MYOM1: variants seen among roughly 807,000 people sequenced by gnomAD.
MYOM1 encodes myomesin-1.
In MYOM1, 164 loss-of-function variants were observed where a neutral mutation model predicts 205.3. That is an observed-to-expected ratio of 0.80 (90% CI 0.70 to 0.91). MYOM1 has a LOEUF of 0.91. Among genes scored for constraint, MYOM1 ranks in the 40% least tolerant of loss-of-function variants. The pLI is 0.00. For synonymous variants in MYOM1, 772 were observed against 789.4 expected, an observed-to-expected ratio of 0.98 and a Z score of 0.37; for missense variants, 2,011 against 2,127.3, an observed-to-expected ratio of 0.95 and a Z score of 1.08.
chr18:3,224,300 G>C (rs1199687279), upstream of MYOM1, among the ~76,000 whole-genome samples: 1 of 152,164 alleles, frequency 6.6e-6, no homozygotes, highest in South Asian at 2.1e-4. Flanking sequence ...GGGATTACAG[G>C]CATGAGCTAC....
intron 2 of MYOM1, 62 bp downstream of exon 2, chr18:3,214,872 G>A (rs1403996544): frequency 5.4e-6 from 8 of 1,484,276 alleles, no homozygotes; most frequent in Non-Finnish European, 7.2e-6. Context: ...TAACTGGGAG[G>A]GTTACTCAGA....
rs140845661 is a variant in MYOM1 at position 3,189,058 on chromosome 18, G to A, written c.461C>T (p.Thr154Met). 579 of 1,612,840 alleles carry A rather than the reference G, an allele frequency of 3.6e-4. 1 individual carries two copies. In the African/African-American group the frequency reaches 6.8e-3, roughly 19 times the overall value. The change falls in exon 4 of 38, where the codon ACG (threonine) becomes ATG (methionine). Residue 154 changes from threonine (T) to methionine (M), a missense_variant. Thr to Met is a moderately conservative substitution (Grantham distance 81, BLOSUM62 -1). Transcript: ENST00000356443. The surrounding 1 kb of genome is among the most constrained non-coding windows in gnomAD (Gnocchi z 4.8). ...AGCTTCTTTAATTCTTTCTTCTTCC[G>A]TATCAGTAATTCCACTGACATGCTT... ...RQKHVSGITDTEEERIKEAAA... is the reference protein window; with the variant it reads ...RQKHVSGITDMEEERIKEAAA...
At chr18:3,143,718 T>C (rs1357601772) in intron 13 of MYOM1, among the ~76,000 whole-genome samples, 2 of 151,366 alleles carry the variant, frequency 1.3e-5, no homozygotes, top group African/African-American at 2.4e-5. Context: ...CTGGGCAACA[T>C]GGTGAAAACC....
intron 2 of MYOM1, among the ~76,000 whole-genome samples, chr18:3,201,255 C>T (rs1310715795): frequency 1.3e-5 from 2 of 151,760 alleles, no homozygotes; most frequent in East Asian, 1.9e-4. Context: ...AAAAATTAGC[C>T]GGGCATGGTG....
At position 3,089,556 on chromosome 18, in the gene MYOM1, T is replaced by C; in HGVS notation, c.4050A>G (p.Gln1350=). ...TTTTACCTTGTTTCCTGATCCATTCTTGCCGCTGGAATTCAGCTTCTTTCT... is the reference window on the plus strand; with the variant it reads ...TTTTACCTTGTTTCCTGATCCATTCCTGCCGCTGGAATTCAGCTTCTTTCT... The part of the protein sequence containing the change: ...KLQKEAEFQR[Q]EWIRKQGPHF... The change falls in exon 28 of 38, where the codon CAA becomes CAG. Residue 1350 remains glutamine (Q), a synonymous_variant. Coordinates refer to ENST00000356443, the MANE Select transcript of MYOM1 (RefSeq NM_003803.4). 1.2e-6 allele frequency: 2 copies of C among 1,609,966 alleles called. No homozygotes were observed. The highest frequency in any genetic ancestry group is 1.7e-6 in the Non-Finnish European group (2 of 1,178,174).
chr18:3,133,215 T>C (rs1598707068), intron 16 of MYOM1, among the ~76,000 whole-genome samples: 1 of 152,202 alleles, frequency 6.6e-6, no homozygotes, highest in East Asian at 1.9e-4. Context: ...TTGCAAAACA[T>C]ATTGCCTTCC....
At chr18:3,173,424 G>A (rs914915799) in intron 8 of MYOM1, among the ~76,000 whole-genome samples, 15 of 152,118 alleles carry the variant, frequency 9.9e-5, no homozygotes, top group Middle Eastern at 3.2e-3. Context: ...CTGACGCTCC[G>A]ATGAGGTGCC....
rs1567940407 is a variant in MYOM1 at position 3,157,684 on chromosome 18, AAT to A, written c.1502-2598_1502-2597del. ...AGAGCAAGACCTTGTCTCCAAAAAT[AAT>A]AATAATAATAATAATAATAATAATA... On this transcript the variant is annotated intron_variant, in intron 10 of 37. Coordinates refer to ENST00000356443, the MANE Select transcript of MYOM1 (RefSeq NM_003803.4). Among the ~76,000 whole-genome samples the A allele has an allele frequency of 5.4e-3, 209 of 38,746 alleles. 1 individual carries two copies. Among genetic ancestry groups the A allele is most frequent in the Non-Finnish European group, 0.01 (172 of 17,092 alleles). 25.4% of individuals were successfully genotyped at this position (38,746 alleles called of 152,430 possible).
chr18:3,166,427 CG>C (rs774605175), intron 9 of MYOM1, among the ~76,000 whole-genome samples: 21 of 151,904 alleles, frequency 1.4e-4, no homozygotes, highest in Non-Finnish European at 2.8e-4. Flanking sequence ...TGCACCACCA[CG>C]CCTGGCTAAT....
intron 33 of MYOM1, among the ~76,000 whole-genome samples, chr18:3,083,421 C>CTTT (rs1427363378): frequency 5.3e-5 from 5 of 94,118 alleles, no homozygotes; most frequent in East Asian, 5.6e-4. Flanking sequence ...TTTTCTTTTT[C>CTTT]TTTTTCTTTT....
chr18:3,158,310 C>T (rs576432366), intron 10 of MYOM1, among the ~76,000 whole-genome samples: 3 of 152,032 alleles, frequency 2.0e-5, no homozygotes, highest in Non-Finnish European at 4.4e-5. Flanking sequence ...TGTGGTATGT[C>T]ATCGTTTCAT....
At chr18:3,136,155 T>C (rs1048799058) in intron 14 of MYOM1, among the ~76,000 whole-genome samples, 4 of 151,736 alleles carry the variant, frequency 2.6e-5, no homozygotes, top group South Asian at 2.1e-4. Context: ...AGACGTGCCT[T>C]TCGCCTTCCA....
intron 10 of MYOM1, among the ~76,000 whole-genome samples, chr18:3,155,698 T>C (rs572722021): frequency 2.0e-5 from 3 of 152,134 alleles, no homozygotes; most frequent in African/African-American, 7.2e-5. Context: ...GAAGATTGCA[T>C]TCAGACAAGT....
At chr18:3,091,023 A>T (rs1431037211) in intron 26 of MYOM1, among the ~76,000 whole-genome samples, 2 of 152,188 alleles carry the variant, frequency 1.3e-5, no homozygotes, top group African/African-American at 2.4e-5. Flanking sequence ...CTATATAAAA[A>T]TAGAAAAATA....
rs79987844 is a variant in MYOM1 at position 3,067,063 on chromosome 18, A to C, written c.*199T>G. On this transcript the variant is annotated 3_prime_UTR_variant, in exon 38 of 38. Coordinates refer to ENST00000356443, the MANE Select transcript of MYOM1 (RefSeq NM_003803.4). The stretch of plus-strand genomic sequence containing the variant: ...TTCATGCTATGAATGGTATTTTCTT[A>C]ACACATAATTTTGTAGATAAAGAAA... The C allele has an allele frequency of 6.0e-3, 3,617 of 605,620 alleles. 98 individuals are homozygous for C. Among genetic ancestry groups the C allele is most frequent in the African/African-American group, 0.058 (3,144 of 54,182 alleles). 37.5% of individuals were successfully genotyped at this position (605,620 alleles called of 1,614,324 possible).
intron 2 of MYOM1, among the ~76,000 whole-genome samples, chr18:3,201,217 GGTGGAACCCTGCCTC>G (rs1446033148): frequency 3.9e-5 from 6 of 152,176 alleles, no homozygotes; most frequent in Non-Finnish European, 8.8e-5. Flanking sequence ...TGTCCAACAT[GGTGGAACCCTGCCTC>G]TACTAAAAAT....
rs1255411599 is a variant in MYOM1 at position 3,187,465 on chromosome 18, A to G, written c.929+15T>C. 6 of 1,609,036 alleles carry G rather than the reference A, an allele frequency of 3.7e-6. No individual in the cohort carries two copies. Among genetic ancestry groups the G allele is most frequent in the Admixed American group, 3.3e-5 (2 of 59,828 alleles). ...GGTGTAATGAATTCTGTTAGCTTTC[A>G]TAAAGATAACATACCACGTGACACG... On this transcript the variant is annotated intron_variant, in intron 5 of 37. Coordinates refer to ENST00000356443, the MANE Select transcript of MYOM1 (RefSeq NM_003803.4).
intron 18 of MYOM1, among the ~76,000 whole-genome samples, chr18:3,127,305 A>ATTTTTT (rs1555620545): frequency 1.7e-4 from 8 of 47,570 alleles, no homozygotes; most frequent in Admixed American, 2.9e-4. Context: ...ATATATATAT[A>ATTTTTT]TTTTTTTTTT....
intron 16 of MYOM1, among the ~76,000 whole-genome samples, chr18:3,134,231 G>A (rs2079919008): frequency 6.6e-6 from 1 of 152,048 alleles, no homozygotes; most frequent in African/African-American, 2.4e-5. Context: ...ATGCTGTCCA[G>A]GCTGGCAGTG....
Sources: gnomAD v4.1 joint callset for allele counts (sites outside exome capture counted in the v4.1 genomes callset) on GRCh38, gnomAD v4.1.1 for gene constraint, Gnocchi (gnomAD v3.1) non-coding constraint, MANE v1.5 for transcripts, NCBI Gene and HGNC (gene_info 2026-07-23, HGNC 2026-07-21) for gene names.